SLC2A13: variants seen among roughly 807,000 people sequenced by gnomAD.
SLC2A13 encodes the protein proton myo-inositol cotransporter.
In SLC2A13, 32 loss-of-function variants were observed where a neutral mutation model predicts 64.4. The observed-to-expected ratio is 0.50, with a 90% confidence interval of 0.37 to 0.67. The LOEUF is 0.67. Ranked by LOEUF, SLC2A13 falls within the 30% of genes least tolerant of loss-of-function variation. The pLI, the probability that SLC2A13 is intolerant of heterozygous loss-of-function variation, is 0.00. For synonymous variants in SLC2A13, 338 were observed against 327.1 expected (o/e 1.03, Z -0.36); for missense variants, 743 against 829.2 (o/e 0.90, Z 1.28).
intron 4 of SLC2A13, among the ~76,000 whole-genome samples, chr12:39,883,635 C>T (rs1434613400): frequency 6.6e-6 from 1 of 152,136 alleles, no homozygotes. Context: ...ACTCTCAAAA[C>T]GGTATTAAGA....
intron 4 of SLC2A13, among the ~76,000 whole-genome samples, chr12:39,941,836 AG>A (rs1946032946): frequency 6.6e-6 from 1 of 152,096 alleles, no homozygotes; most frequent in Non-Finnish European, 1.5e-5. Context: ...GAATTTTTAT[AG>A]TTTCAGGTCT....
At chr12:39,976,030 C>T (rs1946751620) in intron 3 of SLC2A13, among the ~76,000 whole-genome samples, 1 of 152,188 alleles carries the variant, frequency 6.6e-6, no homozygotes, top group South Asian at 2.1e-4. Context: ...ACGTGAAACA[C>T]AGAGGAGGCA....
intron 7 of SLC2A13, among the ~76,000 whole-genome samples, chr12:39,789,364 A>G (rs986358574): frequency 1.3e-5 from 2 of 152,136 alleles, no homozygotes; most frequent in Non-Finnish European, 2.9e-5. Flanking sequence ...AAATTCATTC[A>G]GGTAGATGCC....
Position 39,803,527 on chromosome 12 carries a change from A to C in SLC2A13, c.1445+26576T>G, listed in dbSNP as rs541105381. Among the ~76,000 whole-genome samples, 3 of 152,308 alleles carry C rather than the reference A, an allele frequency of 2.0e-5. No individual in the cohort carries two copies. The South Asian group carries it at 6.2e-4, about 32-fold the overall frequency. On this transcript the variant is annotated intron_variant, in intron 7 of 9. Transcript: ENST00000280871. The stretch of plus-strand genomic sequence containing the variant: ...AACCTTCAGATTTAAAAAGATATAA[A>C]ATGTAACTTCTTGAAAAAATACATA...
intron 7 of SLC2A13, among the ~76,000 whole-genome samples, chr12:39,797,616 C>T (rs552896858): frequency 5.9e-5 from 9 of 152,182 alleles, no homozygotes; most frequent in African/African-American, 1.9e-4. Context: ...AACTTTTATT[C>T]TGTGAGAATG....
chr12:39,935,748 A>C (rs1237683899), intron 4 of SLC2A13, among the ~76,000 whole-genome samples: 1 of 152,176 alleles, frequency 6.6e-6, no homozygotes, highest in East Asian at 1.9e-4. Flanking sequence ...TTTTAGGGTA[A>C]GCTAGCTATT....
At chr12:40,036,004 C>T (rs1480098219) in intron 2 of SLC2A13, among the ~76,000 whole-genome samples, 2 of 152,202 alleles carry the variant, frequency 1.3e-5, no homozygotes, top group Admixed American at 6.5e-5. Flanking sequence ...CTTAAATATA[C>T]ACATATCCTT....
At chr12:39,878,724 C>T (rs1382556248) in intron 4 of SLC2A13, among the ~76,000 whole-genome samples, 2 of 152,074 alleles carry the variant, frequency 1.3e-5, no homozygotes, top group African/African-American at 4.8e-5. Flanking sequence ...TGCAGCCTGG[C>T]CATGTGGCAG....
intron 1 of SLC2A13, among the ~76,000 whole-genome samples, chr12:40,091,322 A>C (rs1203176570): frequency 1.3e-5 from 2 of 152,208 alleles, no homozygotes; most frequent in Admixed American, 6.5e-5. Context: ...TAGGTCAAAA[A>C]TAGAGTATCC....
At chr12:39,816,523 T>C (rs1038825900) in intron 7 of SLC2A13, among the ~76,000 whole-genome samples, 3 of 151,480 alleles carry the variant, frequency 2.0e-5, no homozygotes, top group Non-Finnish European at 2.9e-5. Context: ...GGCACATGTA[T>C]ACATATGTAA....
At chr12:40,005,312 G>A (rs779175220) in intron 3 of SLC2A13, among the ~76,000 whole-genome samples, 2 of 152,242 alleles carry the variant, frequency 1.3e-5, no homozygotes, top group Admixed American at 6.5e-5. Context: ...GTCCCCAGGT[G>A]AGCCACAACA....
intron 2 of SLC2A13, among the ~76,000 whole-genome samples, chr12:40,036,995 G>T (rs1160592404): frequency 6.6e-6 from 1 of 152,160 alleles, no homozygotes; most frequent in Non-Finnish European, 1.5e-5. Context: ...ATACTGAGAT[G>T]ATCATACAGA....
rs531282839 is a variant in SLC2A13 at position 39,798,330 on chromosome 12, G to A, written c.1445+31773C>T. On this transcript the variant is annotated intron_variant, in intron 7 of 9. Coordinates refer to ENST00000280871, the MANE Select transcript of SLC2A13 (RefSeq NM_052885.4). ...TTTGTGACCCAGAGAAACTGAGTGA[G>A]ACATAAATGTTCATTGTTTGAAGTT... Among the ~76,000 whole-genome samples, 46 of 152,292 alleles carry A rather than the reference G, an allele frequency of 3.0e-4. 1 individual carries two copies. Among genetic ancestry groups the A allele is most frequent in the Admixed American group, 1.6e-3 (25 of 15,298 alleles).
At chr12:39,985,032 A>C (rs1947003510) in intron 3 of SLC2A13, among the ~76,000 whole-genome samples, 1 of 152,166 alleles carries the variant, frequency 6.6e-6, no homozygotes, top group Non-Finnish European at 1.5e-5. Context: ...TCTGTTACCT[A>C]TACTTAAGTT....
At chr12:39,923,659 T>C (rs992114215) in intron 4 of SLC2A13, among the ~76,000 whole-genome samples, 23 of 147,692 alleles carry the variant, frequency 1.6e-4, no homozygotes, top group African/African-American at 5.5e-4. Flanking sequence ...AAATGTTATG[T>C]GATTATATGT....
In SLC2A13 at chr12:39,933,903, CTCA is replaced by C. The variant is rs1945875126; in HGVS notation, c.1034+17351_1034+17353del. ...AGACTTAGAGTGTCTGTATAAATTACTCAAGGTAGCACAAGTGGTCAGGAAACA... is the reference window on the plus strand; with the variant it reads ...AGACTTAGAGTGTCTGTATAAATTACAGGTAGCACAAGTGGTCAGGAAACA... On this transcript the variant is annotated intron_variant, in intron 4 of 9. Transcript: ENST00000280871. 2.0e-5 allele frequency among the ~76,000 whole-genome samples: 3 copies of C among 152,144 alleles called. No individual in the cohort carries two copies. In the South Asian group the frequency reaches 6.2e-4, roughly 32 times the overall value.
chr12:39,805,389 G>C (rs891627973), intron 7 of SLC2A13, among the ~76,000 whole-genome samples: 1 of 152,106 alleles, frequency 6.6e-6, no homozygotes, highest in African/African-American at 2.4e-5. Context: ...TGGAGCAGGT[G>C]TAAGAGGTAG....
At chr12:39,864,721 C>T in intron 6 of SLC2A13, 41 bp downstream of exon 6, 1 of 1,599,600 alleles carries the variant, frequency 6.3e-7, no homozygotes, top group Non-Finnish European at 8.5e-7. Context: ...AAAAAAGTTA[C>T]CAGAGTCATG....
chr12:39,834,118 A>G (rs894064154), intron 6 of SLC2A13, among the ~76,000 whole-genome samples: 1 of 152,016 alleles, frequency 6.6e-6, no homozygotes, highest in Non-Finnish European at 1.5e-5. Flanking sequence ...CCTGGGTGCA[A>G]TCTTCATGCC....
Sources: gnomAD v4.1 joint callset for allele counts (sites outside exome capture counted in the v4.1 genomes callset) on GRCh38, gnomAD v4.1.1 for gene constraint, MANE v1.5 for transcripts, NCBI Gene and HGNC (gene_info 2026-07-23, HGNC 2026-07-21) for gene names.